The following STK3 variants were observed in gnomAD, a reference collection of about 807,000 sequenced individuals.
STK3 encodes serine/threonine kinase 3.
In STK3, 41 loss-of-function variants were observed where a neutral mutation model predicts 58.0. The ratio of observed to expected loss-of-function variants is 0.71; its 90% CI spans 0.55 to 0.92. STK3 has a LOEUF of 0.92. Among genes scored for constraint, STK3 ranks in the 40% least tolerant of loss-of-function variants. The pLI is 0.00. For missense variants in STK3, 479 were observed against 602.7 expected (o/e 0.79, Z 2.15); for synonymous variants, 170 against 191.0 (o/e 0.89, Z 0.91).
intron 3 of STK3, among the ~76,000 whole-genome samples, chr8:98,425,122 G>T (rs187590215): frequency 2.0e-5 from 3 of 152,296 alleles, no homozygotes; most frequent in East Asian, 1.9e-4. Context: ...CCTCAGCAAG[G>T]GTGGCACTCT....
chr8:98,870,864 A>G (rs1213904086), intron 3 of STK3, among the ~76,000 whole-genome samples: 7 of 152,152 alleles, frequency 4.6e-5, no homozygotes, highest in African/African-American at 1.4e-4. Flanking sequence ...CCATTTGTCA[A>G]TTTTGGCTTT....
At position 98,615,129 on chromosome 8, in the gene STK3, ACCT is replaced by A. The variant is rs1313963895; in HGVS notation, c.685-18963_685-18961del. On this transcript the variant is annotated intron_variant, in intron 6 of 10. Coordinates refer to ENST00000419617, the MANE Select transcript of STK3 (RefSeq NM_006281.4). ...CTGGAGATCTGAGAACGGGCAGACTACCTCCTCAAGTGGGTCCCTGACCCCTGA... is the reference window on the plus strand; with the variant it reads ...CTGGAGATCTGAGAACGGGCAGACTACCTCAAGTGGGTCCCTGACCCCTGA... Among the ~76,000 whole-genome samples the A allele has an allele frequency of 1.8e-4, 27 of 149,870 alleles. 1 individual carries two copies. The highest frequency in any genetic ancestry group is 2.0e-4 in the Admixed American group (3 of 15,008).
chr8:98,873,931 C>A (rs1243770000), intron 3 of STK3, among the ~76,000 whole-genome samples: 1 of 152,034 alleles, frequency 6.6e-6, no homozygotes, highest in African/African-American at 2.4e-5. Flanking sequence ...CAGTTTCTTC[C>A]CAGTATCAAT....
intron 6 of STK3, among the ~76,000 whole-genome samples, chr8:98,696,830 T>G (rs1349489539): frequency 6.6e-6 from 1 of 152,224 alleles, no homozygotes; most frequent in Non-Finnish European, 1.5e-5. Flanking sequence ...TTTTTGGTTG[T>G]GTCTCTGTCA....
At chr8:98,360,494 T>C in the STK3 span, among the ~76,000 whole-genome samples, 1 of 151,776 alleles carries the variant, frequency 6.6e-6, no homozygotes, top group Non-Finnish European at 1.5e-5. Context: ...GACAACCATG[T>C]CTTTTTGAGC....
At chr8:98,447,072 C>G (rs185806447) in intron 1 of STK3, among the ~76,000 whole-genome samples, 1 of 152,132 alleles carries the variant, frequency 6.6e-6, no homozygotes, top group Non-Finnish European at 1.5e-5. Flanking sequence ...GAACAACACA[C>G]ACTGGCGCCT....
At chr8:98,858,507 T>C (rs921341506) in intron 3 of STK3, among the ~76,000 whole-genome samples, 6 of 151,126 alleles carry the variant, frequency 4.0e-5, no homozygotes, top group Non-Finnish European at 7.4e-5. Flanking sequence ...CTGTATCTTA[T>C]GTTTAACCGA....
chr8:98,504,456 C>T (rs540939292), intron 10 of STK3, among the ~76,000 whole-genome samples: 91 of 152,176 alleles, frequency 6.0e-4, no homozygotes, highest in African/African-American at 1.9e-3. Flanking sequence ...TCATTTTGCC[C>T]GTTAGTTGAT....
chr8:98,749,222 C>T, intron 4 of STK3, 54 bp downstream of exon 4: 1 of 1,347,772 alleles, frequency 7.4e-7, no homozygotes, highest in Non-Finnish European at 1.0e-6. Flanking sequence ...TAGTCAGATT[C>T]TAAAATATCA....
chr8:98,759,980 A>G (rs1306048665), intron 3 of STK3, among the ~76,000 whole-genome samples: 1 of 152,170 alleles, frequency 6.6e-6, no homozygotes, highest in East Asian at 1.9e-4. Context: ...ACCTAATACA[A>G]TGTAAATGCT....
At chr8:98,721,106 T>C (rs1309746934) in intron 4 of STK3, 1 of 985,258 alleles carries the variant, frequency 1.0e-6, no homozygotes, top group Non-Finnish European at 1.2e-6. Flanking sequence ...CCTTTCACCC[T>C]GAGTACATTA....
chr8:98,820,510 A>G (rs139071190), intron 1 of STK3, among the ~76,000 whole-genome samples: 20 of 152,300 alleles, frequency 1.3e-4, no homozygotes, highest in African/African-American at 4.6e-4. Flanking sequence ...TCTCTTTGAC[A>G]AGTATTAAAT....
intron 6 of STK3, among the ~76,000 whole-genome samples, chr8:98,660,122 GATGAAGCTTAA>G (rs1821851804): frequency 7.9e-5 from 12 of 152,146 alleles, no homozygotes; most frequent in African/African-American, 2.9e-4. Context: ...GCTAAATACA[GATGAAGCTTAA>G]GGACATTATG....
chr8:98,838,870 C>T lies in STK3; in HGVS notation c.110+44777G>A, dbSNP rs1364199802. On this transcript the variant is annotated intron_variant, in intron 3 of 12. Transcript: ENST00000523601. ...ACCCTTCTCTCCCTCCCCGCAATCC[C>T]GCCCCCACCCTACCATCGAGGCCGT... is the stretch of plus-strand genomic sequence containing the variant. 5.3e-5 allele frequency among the ~76,000 whole-genome samples: 8 copies of T among 151,936 alleles called. No individual in the cohort carries two copies. The East Asian group carries it at 1.2e-3, about 22-fold the overall frequency.
intron 1 of STK3, among the ~76,000 whole-genome samples, chr8:98,929,323 A>AGAGTCACACAGCGCT (rs1839925154): frequency 2.0e-5 from 3 of 152,216 alleles, no homozygotes; most frequent in Admixed American, 1.3e-4. Flanking sequence ...ATGAATGCCA[A>AGAGTCACACAGCGCT]GAGTCACACA....
chr8:98,463,439 A>G (rs1820170074), intron 10 of STK3, among the ~76,000 whole-genome samples: 1 of 152,142 alleles, frequency 6.6e-6, no homozygotes, highest in Non-Finnish European at 1.5e-5. Flanking sequence ...TAGCTCTTGT[A>G]TAAAACAGGA....
At chr8:98,638,256 AT>A (rs1044928412) in intron 6 of STK3, among the ~76,000 whole-genome samples, 5 of 152,238 alleles carry the variant, frequency 3.3e-5, no homozygotes, top group African/African-American at 1.2e-4. Flanking sequence ...ATTCACCATT[AT>A]TACAAAAATG....
Position 98,703,460 on chromosome 8 carries a change from C to G in STK3, c.684+3007G>C, listed in dbSNP as rs529972512. 5.3e-5 allele frequency among the ~76,000 whole-genome samples: 8 copies of G among 152,228 alleles called. No homozygotes were observed. The South Asian group carries it at 1.7e-3, about 32-fold the overall frequency. The stretch of plus-strand genomic sequence containing the variant: ...TCACTTACCATAGTGTCATATCCTA[C>G]CAGCTTTCTCATATCTTAACTACCA... On this transcript the variant is annotated intron_variant, in intron 6 of 10. Coordinates refer to ENST00000419617, the MANE Select transcript of STK3 (RefSeq NM_006281.4).
In STK3 at chr8:98,571,032, C is replaced by G. The variant is rs533464120; in HGVS notation, c.948+8632G>C. On this transcript the variant is annotated intron_variant, in intron 8 of 10. Coordinates refer to ENST00000419617, the MANE Select transcript of STK3 (RefSeq NM_006281.4). ...TTCTTTACCTAATTCAAAAGGTTCT[C>G]AAAAGGTAGACTTTTGGCCAGAAAC... 5.9e-5 allele frequency among the ~76,000 whole-genome samples: 9 copies of G among 152,284 alleles called. No individual in the cohort carries two copies. In the South Asian group the frequency reaches 1.7e-3, roughly 28 times the overall value.
Sources: gnomAD v4.1 joint callset for allele counts (sites outside exome capture counted in the v4.1 genomes callset) on GRCh38, gnomAD v4.1.1 for gene constraint, MANE v1.5 for transcripts, NCBI Gene and HGNC (gene_info 2026-07-23, HGNC 2026-07-21) for gene names.